The following PDE7B variants were observed in gnomAD, a reference collection of about 807,000 sequenced individuals.
PDE7B encodes the protein 3',5'-cyclic-AMP phosphodiesterase 7B.
In PDE7B, 29 loss-of-function variants were observed where a neutral mutation model predicts 56.2. That is an observed-to-expected ratio of 0.52 (90% confidence interval 0.38 to 0.70). The LOEUF (loss-of-function observed/expected upper bound fraction) is 0.70. PDE7B is among the 30% of genes least tolerant of loss of function. The probability of loss-of-function intolerance (pLI) is 0.00; values close to 1 mark genes in which losing one functional copy is unlikely to be tolerated. For missense variants in PDE7B, 490 were observed against 565.0 expected (o/e 0.87, Z 1.35); for synonymous variants, 197 against 196.9 (o/e 1.00, Z 0.00).
chr6:135,983,653 A>G lies in PDE7B; in HGVS notation c.82+36129A>G, dbSNP rs113013591. On this transcript the variant is annotated intron_variant, in intron 2 of 12. Coordinates refer to ENST00000308191, the MANE Select transcript of PDE7B (RefSeq NM_018945.4). Reference sequence around the variant, plus strand: ...GTCTTTTTGTGTCTCATACGTGAGCATTTATTGAAAATACTCCCCCAGTAT... The same window carrying G: ...GTCTTTTTGTGTCTCATACGTGAGCGTTTATTGAAAATACTCCCCCAGTAT... Among the ~76,000 whole-genome samples, 918 of 152,318 alleles carry G rather than the reference A, an allele frequency of 6.0e-3. 2 individuals are homozygous for G. The highest frequency in any genetic ancestry group is 0.025 in the South Asian group (120 of 4,826).
At chr6:135,955,793 A>G (rs1774782891) in intron 2 of PDE7B, among the ~76,000 whole-genome samples, 1 of 152,202 alleles carries the variant, frequency 6.6e-6, no homozygotes, top group Non-Finnish European at 1.5e-5. Context: ...GAAACTTTTC[A>G]AGAGGGTGAT....
In PDE7B at chr6:136,191,656, C is replaced by T. The variant is rs1779226974; in HGVS notation, c.1169C>T (p.Ala390Val). Reference sequence around the variant, plus strand: ...GTGGAGCCGCTCTTCCGGGAATGGGCCCATTTCACGGGTAACAGCACCCTG... The same window carrying T: ...GTGGAGCCGCTCTTCCGGGAATGGGTCCATTTCACGGGTAACAGCACCCTG... Reference protein sequence around the residue: ...YIVEPLFREWAHFTGNSTLSE... With the variant: ...YIVEPLFREWVHFTGNSTLSE... Residue 390 changes from alanine to valine, a missense_variant, in exon 13 of 13, where the codon GCC becomes GTC. Transcript: ENST00000308191. 6.2e-7 allele frequency: 1 copy of T among 1,614,150 alleles called. No individual in the cohort carries two copies. The highest frequency in any genetic ancestry group is 1.1e-5 in the South Asian group (1 of 91,060).
At chr6:135,951,091 T>C (rs1774690911) in intron 2 of PDE7B, among the ~76,000 whole-genome samples, 1 of 152,210 alleles carries the variant, frequency 6.6e-6, no homozygotes, top group African/African-American at 2.4e-5. Context: ...CTTACAATTG[T>C]TCAGAGAGAG....
At chr6:136,150,289 C>G (rs900137870) in intron 5 of PDE7B, among the ~76,000 whole-genome samples, 4 of 152,154 alleles carry the variant, frequency 2.6e-5, no homozygotes, top group Admixed American at 6.5e-5. Context: ...TGTATTTCCA[C>G]CTAACTGATT....
intron 2 of PDE7B, among the ~76,000 whole-genome samples, chr6:135,969,049 C>T (rs1004181181): frequency 6.6e-6 from 1 of 152,172 alleles, no homozygotes; most frequent in Admixed American, 6.5e-5. Context: ...GAAAACCAAA[C>T]ACTGAATGTT....
intron 3 of PDE7B, among the ~76,000 whole-genome samples, chr6:136,140,004 G>C (rs1156658636): frequency 6.6e-6 from 1 of 152,172 alleles, no homozygotes; most frequent in Admixed American, 6.5e-5. Context: ...TTTGGCTTTT[G>C]TTGCCATTGC....
intron 1 of PDE7B, among the ~76,000 whole-genome samples, chr6:135,941,170 C>T (rs2327660): frequency 0.014 from 2,065 of 152,312 alleles, 50 homozygotes; most frequent in African/African-American, 0.046. Flanking sequence ...ACAAGATGTA[C>T]TTTACTTTCC....
At chr6:135,887,280 T>C (rs933525450) in intron 1 of PDE7B, among the ~76,000 whole-genome samples, 1 of 152,176 alleles carries the variant, frequency 6.6e-6, no homozygotes. Context: ...GTTGAATCCA[T>C]AGTTAATATT....
chr6:136,097,131 C>G (rs1777482798), intron 2 of PDE7B, among the ~76,000 whole-genome samples: 1 of 152,208 alleles, frequency 6.6e-6, no homozygotes, highest in Non-Finnish European at 1.5e-5. Context: ...ACCCTATTCA[C>G]TTCTCGCTCA....
Position 135,916,392 on chromosome 6 carries a change from CT to C in PDE7B, c.22-31054del, listed in dbSNP as rs566408380. On this transcript the variant is annotated intron_variant, in intron 1 of 12. Coordinates refer to ENST00000308191, the MANE Select transcript of PDE7B (RefSeq NM_018945.4). ...TTTTTTCTTTTCTTTTCTTTTCTTT[CT>C]TTTTTTTTTTTTTTTTTGAGATGGA... is the stretch of plus-strand genomic sequence containing the variant. Among the ~76,000 whole-genome samples, 42 of 96,348 alleles carry C rather than the reference CT, an allele frequency of 4.4e-4. 1 individual carries two copies. Among genetic ancestry groups the C allele is most frequent in the Non-Finnish European group, 5.9e-4 (31 of 52,608 alleles). The allele number at this position is 96,348 out of a possible 152,430, so 63.2% of individuals were successfully genotyped here.
chr6:136,104,678 T>A (rs1777618600), intron 2 of PDE7B, among the ~76,000 whole-genome samples: 2 of 152,332 alleles, frequency 1.3e-5, no homozygotes, highest in South Asian at 4.1e-4. Flanking sequence ...ATGCTTCAGA[T>A]TGGGAATGTC....
chr6:135,920,817 C>T (rs946468342), intron 1 of PDE7B, among the ~76,000 whole-genome samples: 5 of 152,166 alleles, frequency 3.3e-5, no homozygotes, highest in African/African-American at 7.2e-5. Context: ...CCATTTCCTG[C>T]GCAGAGTATC....
intron 2 of PDE7B, chr6:136,070,274 G>A (rs1464275809): frequency 6.6e-6 from 1 of 152,076 alleles, no homozygotes; most frequent in Non-Finnish European, 1.5e-5. Flanking sequence ...TTAAGTCCTT[G>A]AATTCCAATT....
chr6:136,035,131 ATGGGTCTTC>A, intron 2 of PDE7B: 1 of 152,272 alleles, frequency 6.6e-6, no homozygotes, highest in Non-Finnish European at 1.5e-5. Flanking sequence ...AGTTACCTAG[ATGGGTCTTC>A]TCTGTTCCAT....
At chr6:136,093,877 T>C in intron 2 of PDE7B, among the ~76,000 whole-genome samples, 1 of 152,220 alleles carries the variant, frequency 6.6e-6, no homozygotes, top group East Asian at 1.9e-4. Context: ...TTAGATCATG[T>C]CACTTTCTCA....
rs189088567 is a variant in PDE7B, at chr6:136,133,647, G to A, written c.167-13704G>A. On this transcript the variant is annotated intron_variant, in intron 3 of 12. Coordinates refer to ENST00000308191, the MANE Select transcript of PDE7B (RefSeq NM_018945.4). ...TCCTTCTTTCAGTAAACACCTTTTC[G>A]GTAAGCTAGGCACCATAATAATAAT... Among the ~76,000 whole-genome samples, 10 of 152,116 alleles carry A rather than the reference G, an allele frequency of 6.6e-5. No homozygotes were observed. The South Asian group carries it at 8.3e-4, about 13-fold the overall frequency.
intron 3 of PDE7B, among the ~76,000 whole-genome samples, chr6:136,118,910 T>G (rs1359176199): frequency 6.6e-6 from 1 of 152,188 alleles, no homozygotes; most frequent in African/African-American, 2.4e-5. Context: ...TTTGCAATAT[T>G]TCTACTGTAT....
At chr6:136,056,533 T>A (rs1776736867) in intron 2 of PDE7B, among the ~76,000 whole-genome samples, 1 of 122,236 alleles carries the variant, frequency 8.2e-6, no homozygotes, top group East Asian at 2.4e-4. Flanking sequence ...TTTTTTTTTT[T>A]TTTTTTTTTT....
In PDE7B at chr6:135,936,005, G is replaced by T. The variant is rs1398199596; in HGVS notation, c.22-11459G>T. Among the ~76,000 whole-genome samples, 8 of 152,194 alleles carry T rather than the reference G, an allele frequency of 5.3e-5. No homozygotes were observed. In the East Asian group the frequency reaches 1.4e-3, roughly 26 times the overall value. On this transcript the variant is annotated intron_variant, in intron 1 of 12. Coordinates refer to ENST00000308191, the MANE Select transcript of PDE7B (RefSeq NM_018945.4). ...AACATGCCCTTCTCCCTATGCAAAAGTGTTTGTTCGTTTGTGGCTCAGAGG... is the reference window on the plus strand; with the variant it reads ...AACATGCCCTTCTCCCTATGCAAAATTGTTTGTTCGTTTGTGGCTCAGAGG...
Sources: allele counts gnomAD v4.1 joint callset (sites outside exome capture counted in the v4.1 genomes callset), GRCh38; gene constraint gnomAD v4.1.1; transcripts MANE v1.5; gene names NCBI Gene and HGNC (gene_info 2026-07-23, HGNC 2026-07-21).